The following ZFYVE9 variants were observed in gnomAD, a reference collection of about 807,000 sequenced individuals.
The protein encoded by ZFYVE9 is zinc finger FYVE domain-containing protein 9.
ZFYVE9 carries 43 observed loss-of-function variants against 126.7 expected under a neutral mutation model. The observed-to-expected ratio is 0.34, with a 90% CI of 0.27 to 0.44. The LOEUF (loss-of-function observed/expected upper bound fraction) is 0.44, where lower values mean the gene tolerates loss of function less well. Ranked by LOEUF, ZFYVE9 falls within the 20% of genes least tolerant of loss-of-function variation. The pLI is 1.00. For synonymous variants in ZFYVE9, 521 were observed against 597.4 expected (o/e 0.87, Z 1.87); for missense variants, 1,476 against 1,697.0 (o/e 0.87, Z 2.29).
At chr1:52,207,910 T>C (rs751912819) in intron 1 of ZFYVE9, among the ~76,000 whole-genome samples, 2 of 152,260 alleles carry the variant, frequency 1.3e-5, no homozygotes, top group Non-Finnish European at 2.9e-5. Context: ...CAAGGCACTT[T>C]ATATAAATAC....
chr1:52,227,635 A>G (rs1572115949), intron 2 of ZFYVE9, among the ~76,000 whole-genome samples: 1 of 152,254 alleles, frequency 6.6e-6, no homozygotes, highest in Non-Finnish European at 1.5e-5. Flanking sequence ...GTTAAAACTC[A>G]TAGGAAGAGC....
At chr1:52,203,678 ATTC>A (rs1477558137) in intron 1 of ZFYVE9, among the ~76,000 whole-genome samples, 3 of 147,768 alleles carry the variant, frequency 2.0e-5, no homozygotes, top group Admixed American at 1.4e-4. Context: ...TCCTTCTGGT[ATTC>A]TTATTACACG....
intron 2 of ZFYVE9, among the ~76,000 whole-genome samples, chr1:52,218,907 A>G (rs1468885578): frequency 6.6e-6 from 1 of 152,102 alleles, no homozygotes; most frequent in African/African-American, 2.4e-5. Context: ...AAGGTGCTCT[A>G]AAGTGGGGAT....
intron 10 of ZFYVE9, among the ~76,000 whole-genome samples, chr1:52,289,792 T>A (rs1487885340): frequency 6.6e-6 from 1 of 152,218 alleles, no homozygotes; most frequent in Non-Finnish European, 1.5e-5. Context: ...TTAAAGTGAT[T>A]AATATTTAAA....
chr1:52,187,925 T>G (rs1047123008), intron 1 of ZFYVE9, among the ~76,000 whole-genome samples: 6 of 152,228 alleles, frequency 3.9e-5, no homozygotes, highest in African/African-American at 1.4e-4. Flanking sequence ...TTGTGATTCC[T>G]CAAAGAGCTA....
At chr1:52,232,167 A>T (rs1572119591) in intron 2 of ZFYVE9, among the ~76,000 whole-genome samples, 1 of 151,828 alleles carries the variant, frequency 6.6e-6, no homozygotes, top group South Asian at 2.1e-4. Context: ...TTGTAATTTG[A>T]CCTCCCCTGC....
intron 4 of ZFYVE9, among the ~76,000 whole-genome samples, chr1:52,262,935 G>GC (rs898110243): frequency 1.1e-4 from 17 of 151,924 alleles, no homozygotes; most frequent in African/African-American, 3.9e-4. Context: ...AATTAGCCAG[G>GC]CGTGGTGGCT....
intron 12 of ZFYVE9, among the ~76,000 whole-genome samples, 194 bp downstream of exon 12, chr1:52,296,171 A>ATG: frequency 1.3e-5 from 2 of 150,420 alleles, no homozygotes; most frequent in South Asian, 4.2e-4. Flanking sequence ...ATATATTCAT[A>ATG]TGTATACACA....
At chr1:52,174,814 C>T (rs912677726) in intron 1 of ZFYVE9, among the ~76,000 whole-genome samples, 1 of 152,114 alleles carries the variant, frequency 6.6e-6, no homozygotes, top group Non-Finnish European at 1.5e-5. Context: ...TTATCCGAGA[C>T]TAGGATTGCA....
chr1:52,171,685 C>G (rs368080702), intron 1 of ZFYVE9, among the ~76,000 whole-genome samples: 3 of 151,974 alleles, frequency 2.0e-5, no homozygotes, highest in African/African-American at 7.2e-5. Context: ...TTTTAATGAT[C>G]GCCATTCTAA....
At chr1:52,244,010 T>C (rs1229357725) in intron 4 of ZFYVE9, among the ~76,000 whole-genome samples, 1 of 152,162 alleles carries the variant, frequency 6.6e-6, no homozygotes, top group Middle Eastern at 3.2e-3. Context: ...GAATGTAGTT[T>C]GTGAAAGGGT....
intron 11 of ZFYVE9, among the ~76,000 whole-genome samples, chr1:52,295,108 T>C (rs1645960263): frequency 6.6e-6 from 1 of 152,080 alleles, no homozygotes. Context: ...CTGGAGAGGC[T>C]GAGGCAGGAG....
chr1:52,336,362 TTTTTTG>T (rs1429263809), intron 15 of ZFYVE9, among the ~76,000 whole-genome samples: 13 of 120,742 alleles, frequency 1.1e-4, no homozygotes, highest in African/African-American at 3.3e-4. Flanking sequence ...CTAAGAGGTT[TTTTTTG>T]TTTTTTTTTT....
chr1:52,328,423 G>T (rs1013694811), intron 13 of ZFYVE9, among the ~76,000 whole-genome samples: 4 of 152,128 alleles, frequency 2.6e-5, no homozygotes, highest in African/African-American at 4.8e-5. Flanking sequence ...GGTCAGTAAG[G>T]TCCTTTGAAT....
Position 52,332,035 on chromosome 1 carries a change from C to T in ZFYVE9, c.3439-733C>T, listed in dbSNP as rs562556890. On this transcript the variant is annotated intron_variant, in intron 13 of 18. Transcript: ENST00000287727. ...GACCTCGTGATCCGCCTGCCTCGGCCTCCCAAATTGCTGGGATTATAGGCA... is the reference window on the plus strand; with the variant it reads ...GACCTCGTGATCCGCCTGCCTCGGCTTCCCAAATTGCTGGGATTATAGGCA... Among the ~76,000 whole-genome samples, 17 of 152,138 alleles carry T rather than the reference C, an allele frequency of 1.1e-4. No homozygotes were observed. The South Asian group carries it at 3.1e-3, about 28-fold the overall frequency.
At chr1:52,294,366 T>C (rs1302417207) in intron 11 of ZFYVE9, among the ~76,000 whole-genome samples, 1 of 152,228 alleles carries the variant, frequency 6.6e-6, no homozygotes, top group African/African-American at 2.4e-5. Flanking sequence ...TATATTGGGT[T>C]GTTAACAGGA....
At chr1:52,287,445 T>C (rs1183742590) in intron 10 of ZFYVE9, among the ~76,000 whole-genome samples, 1 of 152,178 alleles carries the variant, frequency 6.6e-6, no homozygotes, top group Admixed American at 6.5e-5. Flanking sequence ...GGTGTTGTTA[T>C]GGTTTCAATG....
intron 4 of ZFYVE9, among the ~76,000 whole-genome samples, chr1:52,247,822 C>T (rs1250909542): frequency 6.6e-6 from 1 of 152,090 alleles, no homozygotes; most frequent in African/African-American, 2.4e-5. Flanking sequence ...AACTTAATAA[C>T]TTCCCATCTT....
chr1:52,244,158 G>A (rs898988095), intron 4 of ZFYVE9, among the ~76,000 whole-genome samples: 11 of 152,128 alleles, frequency 7.2e-5, no homozygotes, highest in African/African-American at 2.4e-4. Context: ...GGTTGAAAGT[G>A]GAATATGAAG....
Sources: gnomAD v4.1 joint callset for allele counts (sites outside exome capture counted in the v4.1 genomes callset) on GRCh38, gnomAD v4.1.1 for gene constraint, MANE v1.5 for transcripts, NCBI Gene and HGNC (gene_info 2026-07-23, HGNC 2026-07-21) for gene names.